The following VRK1 variants were observed in gnomAD, a reference collection of about 807,000 sequenced individuals.
VRK1 encodes serine/threonine-protein kinase VRK1.
A neutral mutation model predicts 57.1 loss-of-function variants in VRK1; 33 were observed. The ratio of observed to expected loss-of-function variants is 0.58; its 90% CI spans 0.44 to 0.77. VRK1 has a LOEUF of 0.77. VRK1 is among the 30% of genes least tolerant of loss of function. VRK1 has a pLI of 0.00. For missense variants in VRK1, 413 were observed against 477.3 expected, an observed-to-expected ratio of 0.87 and a Z score of 1.25; for synonymous variants, 137 against 147.8, an observed-to-expected ratio of 0.93 and a Z score of 0.53.
intron 11 of VRK1, among the ~76,000 whole-genome samples, chr14:96,869,085 G>A (rs1390222909): frequency 2.6e-5 from 4 of 152,090 alleles, no homozygotes; most frequent in Non-Finnish European, 4.4e-5. Context: ...GAGCCACCAC[G>A]CCCGGCCTCG....
intron 1 of VRK1, among the ~76,000 whole-genome samples, chr14:96,819,332 T>C (rs1280894370): frequency 6.6e-6 from 1 of 152,206 alleles, no homozygotes; most frequent in Admixed American, 6.5e-5. Flanking sequence ...TCAGATACGG[T>C]AGACTTGTAT....
intron 11 of VRK1, among the ~76,000 whole-genome samples, chr14:96,863,486 A>G (rs1888466999): frequency 1.3e-5 from 2 of 152,158 alleles, no homozygotes; most frequent in South Asian, 4.1e-4. Context: ...AGCAAGTTAA[A>G]AGGACATTAA....
intron 3 of VRK1, among the ~76,000 whole-genome samples, chr14:96,840,826 A>T (rs571567984): frequency 6.6e-6 from 1 of 151,824 alleles, no homozygotes; most frequent in South Asian, 2.1e-4. Flanking sequence ...AACAGTGTAT[A>T]ATCATGTCTT....
intron 3 of VRK1, 101 bp from the exon 4 acceptor site, chr14:96,845,994 T>C: frequency 1.9e-6 from 2 of 1,080,858 alleles, no homozygotes; most frequent in South Asian, 1.3e-5. Flanking sequence ...CAAAATTACA[T>C]TGGACAGAAA....
chr14:96,847,898 C>G (rs1294772106), intron 5 of VRK1, among the ~76,000 whole-genome samples: 1 of 152,134 alleles, frequency 6.6e-6, no homozygotes, highest in Admixed American at 6.5e-5. Flanking sequence ...CTTAGGAGTT[C>G]AGAGAATGGA....
intron 1 of VRK1, among the ~76,000 whole-genome samples, chr14:96,808,017 C>CTGTGTG (rs3049309): frequency 0.12 from 15,250 of 126,910 alleles, 1,104 homozygotes; most frequent in South Asian, 0.16. Flanking sequence ...CTCTCTCCCT[C>CTGTGTG]TGTGTGTGTG....
At chr14:96,826,444 T>G (rs1218520943) in intron 1 of VRK1, among the ~76,000 whole-genome samples, 1 of 152,234 alleles carries the variant, frequency 6.6e-6, no homozygotes, top group Non-Finnish European at 1.5e-5. Context: ...ATTTGCATCT[T>G]GATGTGCTTT....
At chr14:96,846,471 C>A (rs534542090) in intron 4 of VRK1, among the ~76,000 whole-genome samples, 2 of 152,226 alleles carry the variant, frequency 1.3e-5, no homozygotes, top group African/African-American at 4.8e-5. Context: ...GCCAGAACCT[C>A]TCCTAGTCAC....
intron 12 of VRK1, chr14:96,877,740 G>C: frequency 1.1e-6 from 1 of 916,658 alleles, no homozygotes; most frequent in Admixed American, 6.2e-5. Flanking sequence ...TGCGCATCAG[G>C]AAGACTCATC....
intron 1 of VRK1, among the ~76,000 whole-genome samples, chr14:96,798,131 C>T (rs2036334746): frequency 6.6e-6 from 1 of 152,200 alleles, no homozygotes; most frequent in Non-Finnish European, 1.5e-5. Flanking sequence ...ACTTGAGGGT[C>T]TGTCTGGTGC....
rs79196874 is a variant in VRK1, at chr14:96,876,258, G to A, written c.1159+138G>A. 4.3e-3 allele frequency: 3,387 copies of A among 781,924 alleles called. 37 individuals are homozygous for A. Among genetic ancestry groups the A allele is most frequent in the Middle Eastern group, 0.019 (79 of 4,160 alleles). The allele number at this position is 781,924 out of a possible 1,614,324, so 48.4% of individuals were successfully genotyped here. A position where few individuals can be genotyped will look rare whatever the true frequency, so the allele number is the denominator to read the frequency against. ...ATACCACAAGATTTTTATATAGTAT[G>A]TATTGTGTCTTTTGTACACAGGTTA... On this transcript the variant is annotated intron_variant, in intron 12 of 12. Coordinates refer to ENST00000216639, the MANE Select transcript of VRK1 (RefSeq NM_003384.3).
At chr14:96,844,429 C>T (rs767642631) in intron 3 of VRK1, among the ~76,000 whole-genome samples, 8 of 152,190 alleles carry the variant, frequency 5.3e-5, no homozygotes, top group Non-Finnish European at 1.0e-4. Flanking sequence ...ACAAATAAGG[C>T]ACGCTTGTTT....
rs543634814 is a variant in VRK1 at position 96,861,140 on chromosome 14, A to G, written c.1068+405A>G. On this transcript the variant is annotated intron_variant, in intron 11 of 12. Transcript: ENST00000216639. ...GGCATTTGAAAAATTACCATTTGAA[A>G]ATTTCCTTGTTTGTTGGTGTGGTGC... Among the ~76,000 whole-genome samples the G allele has an allele frequency of 8.5e-5, 13 of 152,178 alleles. 1 individual carries two copies. The highest frequency in any genetic ancestry group is 3.1e-4 in the African/African-American group (13 of 41,528).
chr14:96,871,857 G>A (rs372441037), intron 11 of VRK1, among the ~76,000 whole-genome samples: 1 of 151,922 alleles, frequency 6.6e-6, no homozygotes, highest in Admixed American at 6.6e-5. Flanking sequence ...GTCTTGCTCT[G>A]TCACCCAGGC....
chr14:96,879,804 C>T (rs1177989460), intron 12 of VRK1, among the ~76,000 whole-genome samples: 1 of 151,834 alleles, frequency 6.6e-6, no homozygotes, highest in Non-Finnish European at 1.5e-5. Flanking sequence ...TGACAGGCAC[C>T]TGTAATCTCA....
rs775497978 is a variant in VRK1, at chr14:96,860,557, G to C, written c.890G>C (p.Gly297Ala). ...DKCFPEKNKP[G>A]EIAKYMETVK... Reference sequence around the variant, plus strand: ...TAAAATGATTGTGTTATTCTTTTAGGTGAAATTGCCAAATACATGGAAACA... The same window carrying C: ...TAAAATGATTGTGTTATTCTTTTAGCTGAAATTGCCAAATACATGGAAACA... Residue 297 changes from glycine (G) to alanine (A), a missense_variant and splice_region_variant, in exon 11 of 13, where the codon GGT (glycine) becomes GCT (alanine). Gly to Ala is a moderately conservative substitution (Grantham distance 60). Coordinates refer to ENST00000216639, the MANE Select transcript of VRK1 (RefSeq NM_003384.3). The C allele has an allele frequency of 6.2e-7, 1 of 1,611,804 alleles. No homozygotes were observed. The highest frequency in any genetic ancestry group is 2.2e-5 in the East Asian group (1 of 44,668).
At chr14:96,813,232 C>T (rs1886272309) in intron 1 of VRK1, among the ~76,000 whole-genome samples, 1 of 152,188 alleles carries the variant, frequency 6.6e-6, no homozygotes, top group African/African-American at 2.4e-5. Flanking sequence ...GCTCTTAACA[C>T]TGCTCGGTGC....
At chr14:96,856,346 T>G in intron 9 of VRK1, 96 bp downstream of exon 9, 2 of 1,471,306 alleles carry the variant, frequency 1.4e-6, no homozygotes, top group South Asian at 2.4e-5. Flanking sequence ...CAACTGATAC[T>G]GATATAGAAA....
intron 11 of VRK1, among the ~76,000 whole-genome samples, chr14:96,863,191 C>T (rs1414249694): frequency 2.6e-5 from 4 of 152,156 alleles, no homozygotes; most frequent in African/African-American, 9.7e-5. Flanking sequence ...ACAGAGAGAT[C>T]AAGTATACAT....
Sources: allele counts gnomAD v4.1 joint callset (sites outside exome capture counted in the v4.1 genomes callset), GRCh38; gene constraint gnomAD v4.1.1; transcripts MANE v1.5; gene names NCBI Gene and HGNC (gene_info 2026-07-23, HGNC 2026-07-21).